The following LRRC7 variants were observed in gnomAD, a reference collection of about 807,000 sequenced individuals.
LRRC7 encodes the protein leucine-rich repeat-containing protein 7.
LRRC7 carries 23 observed loss-of-function variants against 175.7 expected under a neutral mutation model. That is an observed-to-expected ratio of 0.13 (90% CI 0.09 to 0.19). LRRC7 has a LOEUF of 0.19. Ranked by LOEUF, LRRC7 falls within the 10% of genes least tolerant of loss-of-function variation. The pLI is 1.00. For missense variants in LRRC7, 1,354 were observed against 1,904.7 expected, an observed-to-expected ratio of 0.71 and a Z score of 5.38; for synonymous variants, 685 against 680.9, an observed-to-expected ratio of 1.01 and a Z score of -0.09.
intron 1 of LRRC7, among the ~76,000 whole-genome samples, chr1:69,569,769 G>T (rs1016210108): frequency 1.7e-4 from 26 of 151,876 alleles, no homozygotes; most frequent in African/African-American, 6.3e-4. Flanking sequence ...GTCATAAAGC[G>T]AGCGGGTTGG....
In LRRC7 at chr1:70,133,101, G is replaced by C. The variant is rs938403349; in HGVS notation, c.*11214G>C. 6.6e-6 allele frequency among the ~76,000 whole-genome samples: 1 copy of C among 152,094 alleles called. No individual in the cohort carries two copies. Among genetic ancestry groups the C allele is most frequent in the African/African-American group, 2.4e-5 (1 of 41,410 alleles). Reference sequence around the variant, plus strand: ...TCCGCATACTCTTTTAAAGAAACATGTGTCTGCAGTTCAGAAGAGCCACCA... The same window carrying C: ...TCCGCATACTCTTTTAAAGAAACATCTGTCTGCAGTTCAGAAGAGCCACCA... On this transcript the variant is annotated 3_prime_UTR_variant, in exon 27 of 27. Transcript: ENST00000651989.
At chr1:69,626,384 TAAAA>T (rs10546011) in intron 1 of LRRC7, among the ~76,000 whole-genome samples, 4 of 130,100 alleles carry the variant, frequency 3.1e-5, no homozygotes, top group African/African-American at 5.8e-5. Context: ...ACTTAGAATC[TAAAA>T]AAAAAAAAAA....
At chr1:69,983,057 AAC>A (rs1053383033) in intron 9 of LRRC7, among the ~76,000 whole-genome samples, 8 of 152,322 alleles carry the variant, frequency 5.3e-5, no homozygotes, top group East Asian at 1.9e-4. Flanking sequence ...ACAAAAAAGA[AAC>A]ACACACACAC....
At chr1:70,022,990 T>A in intron 16 of LRRC7, 136 bp from the exon 17 acceptor site, 1 of 1,143,336 alleles carries the variant, frequency 8.7e-7, no homozygotes. Context: ...TACATGGATT[T>A]AAAACTAACT....
chr1:69,950,774 A>G (rs908091779), intron 8 of LRRC7, among the ~76,000 whole-genome samples: 1 of 152,166 alleles, frequency 6.6e-6, no homozygotes, highest in Non-Finnish European at 1.5e-5. Flanking sequence ...AAAGAATAGA[A>G]TGAAAAAATA....
rs866559691 is a variant in LRRC7, at chr1:70,126,798, A to G, written c.*4911A>G. On this transcript the variant is annotated 3_prime_UTR_variant, in exon 27 of 27. Coordinates refer to ENST00000651989, the MANE Select transcript of LRRC7 (RefSeq NM_001370785.2). Reference sequence around the variant, plus strand: ...GCACCACTTGTACAAACTAAGGTAGATGCAATCAAGTTTTCCAGTCATATC... The same window carrying G: ...GCACCACTTGTACAAACTAAGGTAGGTGCAATCAAGTTTTCCAGTCATATC... 6.6e-6 allele frequency among the ~76,000 whole-genome samples: 1 copy of G among 152,186 alleles called. No homozygotes were observed. Among genetic ancestry groups the G allele is most frequent in the Non-Finnish European group, 1.5e-5 (1 of 68,034 alleles).
chr1:69,825,117 C>T (rs1679756072), intron 4 of LRRC7, among the ~76,000 whole-genome samples: 1 of 152,180 alleles, frequency 6.6e-6, no homozygotes, highest in South Asian at 2.1e-4. Flanking sequence ...GGCAATCAGC[C>T]AGGCTGGCTA....
chr1:70,060,040 G>T (rs1052633620), intron 23 of LRRC7, among the ~76,000 whole-genome samples: 2 of 151,974 alleles, frequency 1.3e-5, no homozygotes, highest in African/African-American at 4.8e-5. Flanking sequence ...TCCAGTTGTG[G>T]TGGCTCACAC....
intron 7 of LRRC7, among the ~76,000 whole-genome samples, chr1:69,915,926 A>T (rs575735336): frequency 3.8e-4 from 56 of 149,214 alleles, no homozygotes; most frequent in African/African-American, 1.3e-3. Flanking sequence ...AGGTTCAAAG[A>T]TGTTATTTAG....
intron 1 of LRRC7, among the ~76,000 whole-genome samples, chr1:69,629,702 GTTA>G (rs1174572026): frequency 1.3e-5 from 2 of 151,846 alleles, no homozygotes; most frequent in African/African-American, 4.8e-5. Context: ...CTTTCTCTTT[GTTA>G]TTCTTAATTA....
At chr1:69,830,349 T>C (rs574413916) in intron 5 of LRRC7, among the ~76,000 whole-genome samples, 15 of 151,956 alleles carry the variant, frequency 9.9e-5, no homozygotes, top group African/African-American at 3.1e-4. Context: ...GCATATTTAC[T>C]AATAGCTGCC....
At chr1:69,952,884 T>C (rs376370538) in intron 8 of LRRC7, among the ~76,000 whole-genome samples, 50 of 151,630 alleles carry the variant, frequency 3.3e-4, no homozygotes, top group African/African-American at 1.2e-3. Flanking sequence ...TCAACAGAAA[T>C]TTTTTGAACT....
intron 7 of LRRC7, among the ~76,000 whole-genome samples, chr1:69,918,461 A>G (rs550027583): frequency 2.0e-5 from 3 of 152,344 alleles, no homozygotes; most frequent in Admixed American, 6.5e-5. Context: ...ACCCTGTTAC[A>G]TATGTTCATC....
chr1:69,770,447 G>A (rs1158665012), intron 3 of LRRC7, among the ~76,000 whole-genome samples: 2 of 152,084 alleles, frequency 1.3e-5, no homozygotes, highest in Non-Finnish European at 1.5e-5. Flanking sequence ...AAAGATTTTA[G>A]GGTGACAAAT....
At chr1:69,786,715 A>G (rs1278828931) in intron 3 of LRRC7, among the ~76,000 whole-genome samples, 2 of 152,168 alleles carry the variant, frequency 1.3e-5, no homozygotes, top group Admixed American at 6.5e-5. Flanking sequence ...AATCACAAAA[A>G]CAACACAGGA....
chr1:69,620,243 C>T (rs1218131895), intron 1 of LRRC7, among the ~76,000 whole-genome samples: 1 of 139,264 alleles, frequency 7.2e-6, no homozygotes, highest in East Asian at 2.2e-4. Flanking sequence ...CATTTAATGA[C>T]TTTAAATGGA....
chr1:70,076,055 T>G (rs1032804696), intron 23 of LRRC7, 22 bp from the exon 24 acceptor site: 1 of 1,611,630 alleles, frequency 6.2e-7, no homozygotes, highest in Non-Finnish European at 8.5e-7. Context: ...AATCTTTGCC[T>G]GACAGATTAT....
intron 3 of LRRC7, among the ~76,000 whole-genome samples, chr1:69,783,579 T>G (rs1372836055): frequency 6.6e-6 from 1 of 151,756 alleles, no homozygotes; most frequent in African/African-American, 2.4e-5. Context: ...GGCGGAACCC[T>G]GTCTCTACTA....
At chr1:70,013,396 A>G (rs142274758) in intron 13 of LRRC7, among the ~76,000 whole-genome samples, 77 of 151,986 alleles carry the variant, frequency 5.1e-4, no homozygotes, top group African/African-American at 1.8e-3. Flanking sequence ...GGAAAACTAT[A>G]ATAAAAATAT....
Sources: allele counts gnomAD v4.1 joint callset (sites outside exome capture counted in the v4.1 genomes callset), GRCh38; gene constraint gnomAD v4.1.1; transcripts MANE v1.5; gene names NCBI Gene and HGNC (gene_info 2026-07-23, HGNC 2026-07-21).